The following ST7 variants were observed in gnomAD, a reference collection of about 807,000 sequenced individuals.
ST7 encodes the protein suppressor of tumorigenicity 7 protein.
ST7 carries 28 observed loss-of-function variants against 78.7 expected under a neutral mutation model. The ratio of observed to expected loss-of-function variants is 0.36; its 90% CI spans 0.26 to 0.49. The LOEUF (loss-of-function observed/expected upper bound fraction) is 0.49, where lower values mean the gene tolerates loss of function less well. Ranked by LOEUF, ST7 falls within the 20% of genes least tolerant of loss-of-function variation. The probability of loss-of-function intolerance (pLI) is 0.99; values close to 1 mark genes in which losing one functional copy is unlikely to be tolerated. For missense variants in ST7, 418 were observed against 696.0 expected, an observed-to-expected ratio of 0.60 and a Z score of 4.49; for synonymous variants, 247 against 249.6, an observed-to-expected ratio of 0.99 and a Z score of 0.10.
chr7:117,183,503 T>C (rs1808959981), intron 10 of ST7, among the ~76,000 whole-genome samples: 2 of 152,024 alleles, frequency 1.3e-5, no homozygotes, highest in Admixed American at 1.3e-4. Flanking sequence ...TGCAGAGGGA[T>C]GATTTTTCAC....
At chr7:117,208,870 TTGG>T (rs1007469611) in intron 12 of ST7, among the ~76,000 whole-genome samples, 13 of 150,470 alleles carry the variant, frequency 8.6e-5, no homozygotes, top group African/African-American at 3.2e-4. Context: ...ATGTTTGTCT[TTGG>T]TGGTGGTGGT....
At chr7:117,115,623 C>T (rs1156231901) in intron 2 of ST7, among the ~76,000 whole-genome samples, 2 of 151,926 alleles carry the variant, frequency 1.3e-5, no homozygotes, top group South Asian at 2.1e-4. Context: ...CAAAGTGTTG[C>T]GATTACAGGC....
rs1299919298 is a variant in ST7 at position 117,106,607 on chromosome 7, T to A, written c.234+6763T>A. Reference sequence around the variant, plus strand: ...CCTCCTCTGAGTCTTCAAAGTTCATTGTATCATTCTTTTTTTTTTTTTTTT... The same window carrying A: ...CCTCCTCTGAGTCTTCAAAGTTCATAGTATCATTCTTTTTTTTTTTTTTTT... On this transcript the variant is annotated intron_variant, in intron 2 of 15. Coordinates refer to ENST00000323984, the MANE Select transcript of ST7 (RefSeq NM_001369598.1). 2.1e-4 allele frequency among the ~76,000 whole-genome samples: 32 copies of A among 150,540 alleles called. 1 individual carries two copies. Among genetic ancestry groups the A allele is most frequent in the Non-Finnish European group, 4.1e-4 (28 of 67,606 alleles).
At chr7:117,201,344 T>C (rs1810826522) in intron 12 of ST7, among the ~76,000 whole-genome samples, 1 of 152,076 alleles carries the variant, frequency 6.6e-6, no homozygotes, top group South Asian at 2.1e-4. Context: ...TAAGTCTCTT[T>C]CTTTAACAAA....
At chr7:117,038,747 G>T (rs1020893736) in intron 1 of ST7, among the ~76,000 whole-genome samples, 1 of 152,210 alleles carries the variant, frequency 6.6e-6, no homozygotes, top group Admixed American at 6.5e-5. Context: ...CAGATACACA[G>T]ATATATGTAA....
At chr7:117,195,223 G>A (rs918358795) in intron 12 of ST7, among the ~76,000 whole-genome samples, 1 of 151,732 alleles carries the variant, frequency 6.6e-6, no homozygotes, top group African/African-American at 2.4e-5. Flanking sequence ...ATTTGTTTCT[G>A]AGGGGGGATT....
rs552487159 is a variant in ST7 at position 116,974,664 on chromosome 7, C to T, written c.151+20973C>T. On this transcript the variant is annotated intron_variant, in intron 1 of 15. Transcript: ENST00000323984. ...TTTGTTCGGAAATTTTACCAAGTTC[C>T]GAACAAAGTAACACACTTGTATCAT... 2.4e-4 allele frequency among the ~76,000 whole-genome samples: 37 copies of T among 152,184 alleles called. No homozygotes were observed. In the South Asian group the frequency reaches 3.1e-3, roughly 13 times the overall value.
intron 13 of ST7, among the ~76,000 whole-genome samples, chr7:117,217,613 A>G (rs1403254251): frequency 1.3e-5 from 2 of 152,248 alleles, no homozygotes; most frequent in East Asian, 3.9e-4. Context: ...TCTAGCGGGC[A>G]AAAGTCATCT....
rs747337178 is a variant in ST7 at position 117,229,790 on chromosome 7, A to G, written c.1667A>G (p.Asn556Ser). Residue 556 changes from asparagine to serine, a missense_variant, in exon 16 of 16, where the codon AAC (asparagine) becomes AGC (serine). Asn to Ser is a conservative substitution (Grantham distance 46, BLOSUM62 1). Transcript: ENST00000323984. ...AFLSTLFAPL[N>S]FVMEKVESIL... ...CTCAGCACTTTGTTTGCCCCCTTAA[A>G]CTTTGTCATGGAGAAAGTGGAGAGC... 2.5e-6 allele frequency: 4 copies of G among 1,613,494 alleles called. No homozygotes were observed. The highest frequency in any genetic ancestry group is 3.4e-6 in the Non-Finnish European group (4 of 1,179,946).
chr7:117,052,037 G>A (rs1157334445), intron 1 of ST7, among the ~76,000 whole-genome samples: 2 of 152,310 alleles, frequency 1.3e-5, no homozygotes, highest in Admixed American at 6.5e-5. Context: ...ACACAGTGCA[G>A]CCTCTGTGTC....
intron 1 of ST7, among the ~76,000 whole-genome samples, chr7:116,977,795 G>A (rs1793771642): frequency 6.6e-6 from 1 of 152,124 alleles, no homozygotes; most frequent in African/African-American, 2.4e-5. Flanking sequence ...CTCATGATTC[G>A]TCCGGCCTTG....
Position 117,130,598 on chromosome 7 carries a change from C to T in ST7, c.557C>T (p.Ala186Val). The change falls in exon 5 of 16, where the codon GCA (alanine) becomes GTA (valine). Residue 186 changes from alanine to valine, a missense_variant. This residue lies in a region of ST7 where 288 missense variants were observed against 537.1 expected (regional missense o/e 0.54). Coordinates refer to ENST00000323984, the MANE Select transcript of ST7 (RefSeq NM_001369598.1). ...FTCDSDHLRP[A>V]DAIMQKAWRE... is the part of the protein sequence containing the mutation. ...TGTGACTCGGACCATCTGCGTCCCG[C>T]AGATGCAAGTATGAAAAATCCATAC... The T allele has an allele frequency of 6.2e-7, 1 of 1,608,884 alleles. No individual in the cohort carries two copies. Among genetic ancestry groups the T allele is most frequent in the Non-Finnish European group, 8.5e-7 (1 of 1,177,212 alleles).
At chr7:117,196,160 T>C (rs1454668059) in intron 12 of ST7, among the ~76,000 whole-genome samples, 1 of 152,242 alleles carries the variant, frequency 6.6e-6, no homozygotes, top group Non-Finnish European at 1.5e-5. Context: ...CTTTATCCAC[T>C]CATCTGTCCA....
rs551077873 is a variant in ST7 at position 117,223,352 on chromosome 7, T to A, written c.1638+1290T>A. On this transcript the variant is annotated intron_variant, in intron 15 of 15. Coordinates refer to ENST00000323984, the MANE Select transcript of ST7 (RefSeq NM_001369598.1). The stretch of plus-strand genomic sequence containing the variant: ...GAATGGTCTTTCTGAATTGCACATG[T>A]GAGCATGTCACTTCCCTGCTTAAAT... The A allele has an allele frequency of 8.7e-5, 18 of 207,594 alleles. No individual in the cohort carries two copies. In the Admixed American group the frequency reaches 9.1e-4, roughly 10 times the overall value. 12.9% of individuals were successfully genotyped at this position (207,594 alleles called of 1,614,324 possible). A position where few individuals can be genotyped will look rare whatever the true frequency, so the allele number is the denominator to read the frequency against.
intron 13 of ST7, among the ~76,000 whole-genome samples, chr7:117,213,190 C>T (rs1010830399): frequency 2.0e-5 from 3 of 152,158 alleles, no homozygotes; most frequent in African/African-American, 4.8e-5. Flanking sequence ...ACCATTGTAC[C>T]ACTTGGTGGT....
chr7:117,078,001 T>C (rs1005035212), intron 1 of ST7, among the ~76,000 whole-genome samples: 1 of 152,194 alleles, frequency 6.6e-6, no homozygotes, highest in African/African-American at 2.4e-5. Context: ...ATGCTGGAGT[T>C]GTCATTAGAG....
At chr7:117,091,302 A>G (rs1284489522) in intron 1 of ST7, among the ~76,000 whole-genome samples, 2 of 152,236 alleles carry the variant, frequency 1.3e-5, no homozygotes, top group Non-Finnish European at 2.9e-5. Context: ...TGAGGAAAAG[A>G]AGTGCTCGTG....
At chr7:116,977,595 A>G (rs1038632204) in intron 1 of ST7, among the ~76,000 whole-genome samples, 20 of 152,240 alleles carry the variant, frequency 1.3e-4, no homozygotes, top group Non-Finnish European at 5.9e-5. Flanking sequence ...CTGTTTTGCC[A>G]GGCTGGAGTG....
At chr7:116,963,104 T>TTAAACTATA (rs750525028) in intron 1 of ST7, among the ~76,000 whole-genome samples, 7 of 152,214 alleles carry the variant, frequency 4.6e-5, no homozygotes, top group Non-Finnish European at 8.8e-5. Context: ...AAATGACACA[T>TTAAACTATA]TAAACTATAT....
Sources: gnomAD v4.1 joint callset for allele counts (sites outside exome capture counted in the v4.1 genomes callset) on GRCh38, gnomAD v4.1.1 for gene constraint, gnomAD v4.1.1 regional missense constraint, MANE v1.5 for transcripts, NCBI Gene and HGNC (gene_info 2026-07-23, HGNC 2026-07-21) for gene names.